Variants in STARD13 observed in about 807,000 individuals in gnomAD.
The protein encoded by STARD13 is stAR-related lipid transfer protein 13.
STARD13 carries 62 observed loss-of-function variants against 106.4 expected under a neutral mutation model. The observed-to-expected ratio is 0.58, with a 90% CI of 0.48 to 0.72. The LOEUF (loss-of-function observed/expected upper bound fraction) is 0.72, where lower values mean the gene tolerates loss of function less well. Ranked by LOEUF, STARD13 falls within the 30% of genes least tolerant of loss-of-function variation. The pLI is 0.00. For missense variants in STARD13, 1,387 were observed against 1,424.0 expected (o/e 0.97, Z 0.42); for synonymous variants, 565 against 553.0 (o/e 1.02, Z -0.31).
chr13:33,266,071 G>T (rs1005251406), intron 1 of STARD13, among the ~76,000 whole-genome samples: 13 of 152,134 alleles, frequency 8.5e-5, no homozygotes, highest in African/African-American at 2.9e-4. Context: ...CACTGTAACT[G>T]CAGCAGCAGC....
chr13:33,486,198 T>C, the STARD13 span, among the ~76,000 whole-genome samples: 1,298 of 152,272 alleles, frequency 8.5e-3, 15 homozygotes, highest in African/African-American at 0.03. Flanking sequence ...TGAATGGGTT[T>C]CTCAGTGTCC....
At chr13:33,282,355 A>C (rs1891831238) in intron 1 of STARD13, among the ~76,000 whole-genome samples, 1 of 152,180 alleles carries the variant, frequency 6.6e-6, no homozygotes, top group South Asian at 2.1e-4. Flanking sequence ...TAAGATGAGC[A>C]AGTTTAGATT....
At chr13:33,475,855 G>A in the STARD13 span, among the ~76,000 whole-genome samples, 1 of 152,086 alleles carries the variant, frequency 6.6e-6, no homozygotes, top group Non-Finnish European at 1.5e-5. Flanking sequence ...TACTCAGGAG[G>A]CTGAGGCAGG....
chr13:33,226,726 C>A (rs866609211), intron 1 of STARD13, among the ~76,000 whole-genome samples: 1 of 152,142 alleles, frequency 6.6e-6, no homozygotes, highest in Non-Finnish European at 1.5e-5. Context: ...TGGGCCACCA[C>A]ACCCGGCCTC....
chr13:33,439,594 C>A, the STARD13 span: 1 of 526,298 alleles, frequency 1.9e-6, no homozygotes, highest in South Asian at 1.7e-5. Context: ...CATGATTCAG[C>A]AACACTTATG....
the STARD13 span, among the ~76,000 whole-genome samples, chr13:33,665,760 G>A: frequency 6.6e-4 from 101 of 152,254 alleles, 3 homozygotes; most frequent in South Asian, 0.02. Flanking sequence ...GCAGCCATTC[G>A]GAAAAGGCTG....
intron 1 of STARD13, among the ~76,000 whole-genome samples, chr13:33,329,408 G>T (rs2077811723): frequency 6.6e-6 from 1 of 151,786 alleles, no homozygotes; most frequent in Non-Finnish European, 1.5e-5. Flanking sequence ...TACCATTTTG[G>T]CACCCTTTGA....
At chr13:33,380,478 A>AC in the STARD13 span, among the ~76,000 whole-genome samples, 310 of 58,724 alleles carry the variant, frequency 5.3e-3, no homozygotes, top group Admixed American at 0.027. Context: ...CCCACCCCCC[A>AC]CCCCCCCCAC....
At chr13:33,527,438 C>T in the STARD13 span, among the ~76,000 whole-genome samples, 34,045 of 151,954 alleles carry the variant, frequency 0.22, 6,191 homozygotes, top group African/African-American at 0.5. Context: ...GTTTCTACTA[C>T]ATACAATTGA....
At chr13:33,490,767 T>G in the STARD13 span, among the ~76,000 whole-genome samples, 1 of 152,234 alleles carries the variant, frequency 6.6e-6, no homozygotes, top group Non-Finnish European at 1.5e-5. Flanking sequence ...GCTGTCACAC[T>G]GGCCCTCTGC....
chr13:33,314,661 G>T (rs1156677781), intron 1 of STARD13, among the ~76,000 whole-genome samples: 1 of 151,980 alleles, frequency 6.6e-6, no homozygotes, highest in African/African-American at 2.4e-5. Flanking sequence ...TAACACAACC[G>T]AGCACCTAAT....
At chr13:33,509,202 A>G in the STARD13 span, among the ~76,000 whole-genome samples, 5 of 152,276 alleles carry the variant, frequency 3.3e-5, no homozygotes, top group South Asian at 4.1e-4. Flanking sequence ...CAGTAAGACC[A>G]TATAGGAAAG....
At chr13:33,167,297 T>A (rs1243788255) in intron 2 of STARD13, among the ~76,000 whole-genome samples, 1 of 151,972 alleles carries the variant, frequency 6.6e-6, no homozygotes, top group East Asian at 1.9e-4. Context: ...AAGGAAAACG[T>A]CGAGTTGGGG....
At chr13:33,204,310 CA>C (rs1439412088) in intron 1 of STARD13, among the ~76,000 whole-genome samples, 1 of 152,192 alleles carries the variant, frequency 6.6e-6, no homozygotes, top group African/African-American at 2.4e-5. Flanking sequence ...CAGTATTTCA[CA>C]AAGAGTATCA....
rs1315353432 is a variant in STARD13 at position 33,350,418 on chromosome 13, G to C, written c.-5C>G. On this transcript the variant is annotated 5_prime_UTR_variant, in exon 1 of 2. Coordinates refer to the STARD13 transcript ENST00000439831. The stretch of plus-strand genomic sequence containing the variant: ...AGGTTTCCGTTTGCTGGTCATTTTA[G>C]ATCCGTCCTCATAACGACCGGCGGG... The C allele has an allele frequency of 7.2e-6, 11 of 1,531,604 alleles. No homozygotes were observed. The African/African-American group carries it at 9.7e-5, about 13-fold the overall frequency. 94.9% of individuals were successfully genotyped at this position (1,531,604 alleles called of 1,614,324 possible).
the STARD13 span, chr13:33,656,960 C>T: frequency 1.3e-5 from 2 of 152,154 alleles, no homozygotes; most frequent in Admixed American, 1.3e-4. Context: ...GATAGAATCA[C>T]AAAGCATGTT....
the STARD13 span, among the ~76,000 whole-genome samples, chr13:33,528,863 C>T: frequency 6.6e-6 from 1 of 152,064 alleles, no homozygotes; most frequent in Non-Finnish European, 1.5e-5. Flanking sequence ...TACAGGAAAC[C>T]AGTAATAAAA....
chr13:33,373,858 G>A, the STARD13 span, among the ~76,000 whole-genome samples: 2 of 151,936 alleles, frequency 1.3e-5, no homozygotes. Flanking sequence ...GAATGGCAAA[G>A]CCACTGTGGA....
intron 1 of STARD13, among the ~76,000 whole-genome samples, chr13:33,225,667 T>C (rs1888587253): frequency 6.6e-6 from 1 of 152,168 alleles, no homozygotes; most frequent in African/African-American, 2.4e-5. Flanking sequence ...CACCTAGCTT[T>C]CTCATTTCCT....
Sources: allele counts gnomAD v4.1 joint callset (sites outside exome capture counted in the v4.1 genomes callset), GRCh38; gene constraint gnomAD v4.1.1; transcripts MANE v1.5; gene names NCBI Gene and HGNC (gene_info 2026-07-23, HGNC 2026-07-21).